The following PACRG variants were observed in gnomAD, a reference collection of about 807,000 sequenced individuals.
PACRG encodes the protein parkin coregulated gene protein.
PACRG carries 29 observed loss-of-function variants against 29.7 expected under a neutral mutation model. The ratio of observed to expected loss-of-function variants is 0.98; its 90% confidence interval spans 0.73 to 1.33. The LOEUF (loss-of-function observed/expected upper bound fraction) is 1.33. Ranked by LOEUF, PACRG falls within the 40% of genes most tolerant of loss-of-function variation. The pLI, the probability that PACRG is intolerant of heterozygous loss-of-function variation, is 0.00. For synonymous variants in PACRG, 116 were observed against 118.7 expected, an observed-to-expected ratio of 0.98 and a Z score of 0.15; for missense variants, 279 against 316.2, an observed-to-expected ratio of 0.88 and a Z score of 0.89.
At chr6:163,297,519 A>T (rs1374638126) in intron 4 of PACRG, among the ~76,000 whole-genome samples, 3 of 152,042 alleles carry the variant, frequency 2.0e-5, no homozygotes, top group Admixed American at 6.5e-5. Context: ...TCTCCTTCCC[A>T]GCCTTCAGCT....
chr6:163,242,562 GCACCAGGCAC>G (rs1322114997), intron 4 of PACRG, among the ~76,000 whole-genome samples: 9 of 152,182 alleles, frequency 5.9e-5, no homozygotes, highest in Non-Finnish European at 1.0e-4. Context: ...AGCATTTCTA[GCACCAGGCAC>G]AGAAGGGTGA....
Position 162,962,159 on chromosome 6 carries a change from C to T in PACRG, c.292-99991C>T, listed in dbSNP as rs140991238. 1.0e-3 allele frequency among the ~76,000 whole-genome samples: 157 copies of T among 152,214 alleles called. 2 individuals are homozygous for T. In the East Asian group the frequency reaches 0.03, roughly 29 times the overall value. On this transcript the variant is annotated intron_variant, in intron 2 of 4. Coordinates refer to ENST00000366888, the MANE Select transcript of PACRG (RefSeq NM_001080379.2). ...TTAACCTCTGACACTTATGGGCCTCCACCTTACCTTGGGAAACTCTTCTCT... is the reference window on the plus strand; with the variant it reads ...TTAACCTCTGACACTTATGGGCCTCTACCTTACCTTGGGAAACTCTTCTCT...
intron 4 of PACRG, among the ~76,000 whole-genome samples, chr6:163,123,683 C>G (rs1816397618): frequency 6.6e-6 from 1 of 152,130 alleles, no homozygotes; most frequent in Non-Finnish European, 1.5e-5. Flanking sequence ...CGCTAGTAAC[C>G]AGCGTTCTAT....
rs1213942624 is a variant in PACRG at position 163,304,034 on chromosome 6, A to T, written c.614-10793A>T. Among the ~76,000 whole-genome samples the T allele has an allele frequency of 2.6e-3, 391 of 151,472 alleles. 2 individuals carry two copies. Among genetic ancestry groups the T allele is most frequent in the African/African-American group, 9.0e-3 (370 of 41,210 alleles). On this transcript the variant is annotated intron_variant, in intron 4 of 4. Transcript: ENST00000366888. ...CCATTTCAAAAAAAAAAAAAAAAAAAAAAAGTAAATGGGATAATCTCATTT... is the reference window on the plus strand; with the variant it reads ...CCATTTCAAAAAAAAAAAAAAAAAATAAAAGTAAATGGGATAATCTCATTT...
chr6:162,918,008 C>T (rs1478273864), intron 2 of PACRG, among the ~76,000 whole-genome samples: 1 of 152,088 alleles, frequency 6.6e-6, no homozygotes, highest in African/African-American at 2.4e-5. Context: ...AAATGACCAA[C>T]CTCTTCAGAC....
intron 4 of PACRG, among the ~76,000 whole-genome samples, chr6:163,117,217 C>G (rs1045936432): frequency 1.3e-5 from 2 of 152,230 alleles, no homozygotes; most frequent in African/African-American, 4.8e-5. Flanking sequence ...CACAGTGGAA[C>G]TCCCAGTCAC....
chr6:163,251,777 T>C (rs1204730279), intron 4 of PACRG, among the ~76,000 whole-genome samples: 1 of 152,198 alleles, frequency 6.6e-6, no homozygotes, highest in Non-Finnish European at 1.5e-5. Context: ...ATCTGAGATA[T>C]AGCCTTTGGA....
intron 1 of PACRG, among the ~76,000 whole-genome samples, chr6:162,804,325 GC>G (rs1786130641): frequency 6.6e-6 from 1 of 152,148 alleles, no homozygotes; most frequent in African/African-American, 2.4e-5. Flanking sequence ...TCGGTCAGGT[GC>G]CCCGAATAAT....
intron 4 of PACRG, among the ~76,000 whole-genome samples, chr6:163,143,622 A>C (rs965666939): frequency 1.3e-5 from 2 of 152,222 alleles, no homozygotes; most frequent in South Asian, 2.1e-4. Context: ...CTGTGTGTAC[A>C]TATACAGTTG....
intron 2 of PACRG, among the ~76,000 whole-genome samples, chr6:163,006,671 C>A (rs2128206119): frequency 6.6e-6 from 1 of 151,884 alleles, no homozygotes; most frequent in East Asian, 1.9e-4. Flanking sequence ...GATAAATTGA[C>A]CCCCTTATCA....
chr6:162,784,550 T>C (rs1190347282), intron 1 of PACRG, among the ~76,000 whole-genome samples: 4 of 152,188 alleles, frequency 2.6e-5, no homozygotes, highest in Admixed American at 2.0e-4. Context: ...TTTGTTTTAT[T>C]GTTGTTTGTC....
chr6:163,056,223 A>G (rs1322052893), intron 2 of PACRG, among the ~76,000 whole-genome samples: 4 of 152,178 alleles, frequency 2.6e-5, no homozygotes, highest in Admixed American at 6.5e-5. Flanking sequence ...ACAACACAGC[A>G]TTTGCACTCC....
At chr6:163,050,060 ATC>A (rs1809835305) in intron 2 of PACRG, among the ~76,000 whole-genome samples, 1 of 152,020 alleles carries the variant, frequency 6.6e-6, no homozygotes, top group African/African-American at 2.4e-5. Flanking sequence ...TTTTATGATA[ATC>A]TCTTTTAATA....
chr6:162,966,538 G>A (rs1801038863), intron 2 of PACRG, among the ~76,000 whole-genome samples: 1 of 149,556 alleles, frequency 6.7e-6, no homozygotes, highest in Non-Finnish European at 1.5e-5. Flanking sequence ...GTGCAGTGGT[G>A]TGATCTCGGC....
chr6:163,092,636 C>T (rs1383523290), intron 4 of PACRG, among the ~76,000 whole-genome samples: 1 of 152,126 alleles, frequency 6.6e-6, no homozygotes, highest in Non-Finnish European at 1.5e-5. Context: ...CCCTTAAAGT[C>T]TGTAATCATC....
intron 2 of PACRG, among the ~76,000 whole-genome samples, chr6:163,027,400 A>G (rs1807233429): frequency 6.6e-6 from 1 of 152,222 alleles, no homozygotes; most frequent in Non-Finnish European, 1.5e-5. Context: ...ATTGAAAAGT[A>G]TTGGCTAAAA....
intron 2 of PACRG, among the ~76,000 whole-genome samples, chr6:163,010,099 C>T (rs936121077): frequency 2.0e-5 from 3 of 151,940 alleles, no homozygotes; most frequent in South Asian, 2.1e-4. Context: ...AATAAAACTG[C>T]GATTCCCTTA....
In PACRG at chr6:162,903,496, C is replaced by T. The variant is rs188129184; in HGVS notation, c.291+89215C>T. ...CAATCATGGCAGAAGGTGAAAGACA[C>T]ATCTTACATGGCGGCAGGCAAGAGA... On this transcript the variant is annotated intron_variant, in intron 2 of 4. Coordinates refer to ENST00000366888, the MANE Select transcript of PACRG (RefSeq NM_001080379.2). Among the ~76,000 whole-genome samples, 843 of 152,016 alleles carry T rather than the reference C, an allele frequency of 5.5e-3. 8 individuals carry two copies. Among genetic ancestry groups the T allele is most frequent in the African/African-American group, 0.017 (699 of 41,508 alleles).
chr6:163,203,398 C>T (rs1039076803), intron 4 of PACRG, among the ~76,000 whole-genome samples: 2 of 152,086 alleles, frequency 1.3e-5, no homozygotes, highest in African/African-American at 4.8e-5. Flanking sequence ...GGCGACAGAG[C>T]GAGATTCCGT....
Sources: allele counts gnomAD v4.1 joint callset (sites outside exome capture counted in the v4.1 genomes callset), GRCh38; gene constraint gnomAD v4.1.1; transcripts MANE v1.5; gene names NCBI Gene and HGNC (gene_info 2026-07-23, HGNC 2026-07-21).